The following CCDC7 variants were observed in gnomAD, a reference collection of about 807,000 sequenced individuals.
The protein encoded by CCDC7 is coiled-coil domain-containing protein 7.
A neutral mutation model predicts 196.9 loss-of-function variants in CCDC7; 183 were observed. That is an observed-to-expected ratio of 0.93 (90% CI 0.82 to 1.05). CCDC7 has a LOEUF of 1.05. Among genes scored for constraint, CCDC7 ranks in the 50% least tolerant of loss-of-function variants. The pLI, the probability that CCDC7 is intolerant of heterozygous loss-of-function variation, is 0.00. For missense variants in CCDC7, 1,540 were observed against 1,482.2 expected (o/e 1.04, Z -0.64); for synonymous variants, 525 against 484.6 (o/e 1.08, Z -1.10).
chr10:32,704,017 T>A (rs1241737576), intron 24 of CCDC7, among the ~76,000 whole-genome samples: 1 of 152,140 alleles, frequency 6.6e-6, no homozygotes, highest in Non-Finnish European at 1.5e-5. Flanking sequence ...TCTCAACTCG[T>A]CAAAGTCATT....
chr10:32,789,889 T>A (rs1328003148), intron 29 of CCDC7, among the ~76,000 whole-genome samples: 1 of 152,148 alleles, frequency 6.6e-6, no homozygotes, highest in Admixed American at 6.5e-5. Context: ...ATAGGTAAGA[T>A]AAAAGGAGAT....
At chr10:32,776,131 T>G (rs2079997293) in intron 28 of CCDC7, among the ~76,000 whole-genome samples, 14 of 142,136 alleles carry the variant, frequency 9.8e-5, no homozygotes, top group Admixed American at 2.1e-4. Flanking sequence ...GGGACTGTGG[T>G]GGGGTGGGGG....
At chr10:32,825,446 C>G (rs1355090200) in intron 32 of CCDC7, among the ~76,000 whole-genome samples, 1 of 152,164 alleles carries the variant, frequency 6.6e-6, no homozygotes, top group Non-Finnish European at 1.5e-5. Flanking sequence ...AGCCTCCCAG[C>G]CTACATCTTT....
chr10:32,824,485 A>G (rs1052658962), intron 31 of CCDC7, 33 bp from the exon 33 acceptor site: 2 of 1,404,634 alleles, frequency 1.4e-6, no homozygotes, highest in Non-Finnish European at 2.0e-6. Flanking sequence ...TTACATTAAA[A>G]AAGTGTTTTG....
intron 16 of CCDC7, 64 bp downstream of exon 17, chr10:32,571,957 C>A: frequency 1.4e-6 from 2 of 1,393,128 alleles, no homozygotes; most frequent in Non-Finnish European, 1.9e-6. Flanking sequence ...CATACCTAAG[C>A]AATGAAAATA....
At chr10:32,797,378 T>C (rs2083817879) in intron 29 of CCDC7, among the ~76,000 whole-genome samples, 2 of 151,960 alleles carry the variant, frequency 1.3e-5, no homozygotes, top group South Asian at 2.1e-4. Flanking sequence ...ATGGGTGACA[T>C]TGGAGTCTAT....
At chr10:32,843,886 G>C (rs2093131644) in intron 33 of CCDC7, among the ~76,000 whole-genome samples, 1 of 151,872 alleles carries the variant, frequency 6.6e-6, no homozygotes, top group African/African-American at 2.4e-5. Context: ...ATGTGTCTCG[G>C]TTCATTTTGG....
chr10:32,628,557 G>A (rs1192828972), intron 18 of CCDC7, among the ~76,000 whole-genome samples: 1 of 151,584 alleles, frequency 6.6e-6, no homozygotes, highest in African/African-American at 2.4e-5. Flanking sequence ...GGCTTAGTTT[G>A]TTCTTCTTTT....
rs1389887182 is a variant in CCDC7 at position 32,565,610 on chromosome 10, A to G, written c.1187A>G (p.Gln396Arg). Reference sequence around the variant, plus strand: ...AAAGTCCTTCAGGAGCAATTGAAACAGGCTTTACAGGTAAAGGATGTCATG... The same window carrying G: ...AAAGTCCTTCAGGAGCAATTGAAACGGGCTTTACAGGTAAAGGATGTCATG... Residue 396 changes from glutamine (Q) to arginine (R), a missense_variant, in exon 14 of 42, where the codon CAG becomes CGG. Transcript: ENST00000639629. 4 of 1,609,612 alleles carry G rather than the reference A, an allele frequency of 2.5e-6. No individual in the cohort carries two copies. In the Admixed American group the frequency reaches 5.0e-5, roughly 20 times the overall value.
chr10:32,643,147 T>G (rs1360630853), intron 20 of CCDC7, among the ~76,000 whole-genome samples: 1 of 152,200 alleles, frequency 6.6e-6, no homozygotes, highest in African/African-American at 2.4e-5. Flanking sequence ...GATTTATCTA[T>G]TTCTTCTTGT....
chr10:32,544,167 T>TAAA, intron 12 of CCDC7, 80 bp from the exon 14 acceptor site: 3 of 1,237,154 alleles, frequency 2.4e-6, no homozygotes, highest in Non-Finnish European at 3.4e-6. Context: ...TAAAATCGTT[T>TAAA]AAAAAGTCCT....
chr10:32,660,792 A>G (rs1348381954), intron 20 of CCDC7, among the ~76,000 whole-genome samples: 1 of 151,168 alleles, frequency 6.6e-6, no homozygotes, highest in African/African-American at 2.4e-5. Context: ...CTGAAACTGG[A>G]TCCCTTCCTT....
intron 6 of CCDC7, 66 bp downstream of exon 7, chr10:32,471,296 T>G: frequency 6.5e-7 from 1 of 1,533,278 alleles, no homozygotes; most frequent in Non-Finnish European, 8.8e-7. Flanking sequence ...TAGCACTGAA[T>G]GTAAGATAAT....
intron 18 of CCDC7, among the ~76,000 whole-genome samples, chr10:32,585,449 AT>A (rs1333872759): frequency 6.6e-6 from 1 of 152,154 alleles, no homozygotes; most frequent in East Asian, 1.9e-4. Context: ...ATAGGTATAC[AT>A]GTGCCATGGT....
chr10:32,694,694 G>A (rs538745048), intron 23 of CCDC7, among the ~76,000 whole-genome samples, 185 bp from the exon 25 acceptor site: 23 of 152,048 alleles, frequency 1.5e-4, no homozygotes, highest in Non-Finnish European at 2.8e-4. Flanking sequence ...ATGAAATAAT[G>A]AGCTTCACCA....
intron 24 of CCDC7, among the ~76,000 whole-genome samples, chr10:32,695,704 TGAG>T (rs978161114): frequency 6.6e-6 from 1 of 152,118 alleles, no homozygotes; most frequent in Non-Finnish European, 1.5e-5. Flanking sequence ...GTCACAGCCT[TGAG>T]GAGGACATTA....
intron 28 of CCDC7, among the ~76,000 whole-genome samples, chr10:32,756,754 A>G (rs1363091055): frequency 6.6e-6 from 1 of 152,264 alleles, no homozygotes; most frequent in Non-Finnish European, 1.5e-5. Context: ...ACATAACAGT[A>G]TTAACCTTAA....
intron 32 of CCDC7, among the ~76,000 whole-genome samples, chr10:32,826,464 C>T (rs2091129738): frequency 6.6e-6 from 1 of 152,112 alleles, no homozygotes; most frequent in Admixed American, 6.6e-5. Flanking sequence ...GCTTTCTGAC[C>T]CATCTAGCCA....
intron 28 of CCDC7, among the ~76,000 whole-genome samples, chr10:32,758,334 T>C (rs2484726): frequency 0.83 from 126,974 of 152,160 alleles, 53,602 homozygotes; most frequent in Non-Finnish European, 0.9. Context: ...TGATGAGCAT[T>C]GATGCAAAAA....
Sources: gnomAD v4.1 joint callset for allele counts (sites outside exome capture counted in the v4.1 genomes callset) on GRCh38, gnomAD v4.1.1 for gene constraint, MANE v1.5 for transcripts, NCBI Gene and HGNC (gene_info 2026-07-23, HGNC 2026-07-21) for gene names.